Variants in RPSA observed in about 807,000 individuals in gnomAD.
RPSA encodes ribosomal protein SA.
For synonymous variants in RPSA, 103 were observed against 126.7 expected (o/e 0.81, Z 1.25); for missense variants, 140 against 372.8 (o/e 0.38, Z 5.14).
At position 39,410,095 on chromosome 3, in the gene RPSA, C is replaced by A. The variant is rs529263059; in HGVS notation, c.253-659C>A. Among the ~76,000 whole-genome samples, 10 of 152,146 alleles carry A rather than the reference C, an allele frequency of 6.6e-5. No individual in the cohort carries two copies. The South Asian group carries it at 1.9e-3, about 28-fold the overall frequency. ...GCCAAGACTGTCCACTGCATCCCAG[C>A]CTGAGTGACAGAGTGAGGCCTTGTC... On this transcript the variant is annotated intron_variant, in intron 3 of 6. Coordinates refer to ENST00000301821, the MANE Select transcript of RPSA (RefSeq NM_002295.6).
At chr3:39,409,480 C>T (rs567939362) in intron 3 of RPSA, among the ~76,000 whole-genome samples, 1 of 152,200 alleles carries the variant, frequency 6.6e-6, no homozygotes, top group East Asian at 1.9e-4. Context: ...GGATTACAGG[C>T]GTAAGCCACT....
Position 39,412,265 on chromosome 3 carries a change from T to A in RPSA, c.794-9T>A. 1 of 1,607,434 alleles carries A rather than the reference T, an allele frequency of 6.2e-7. No homozygotes were observed. The highest frequency in any genetic ancestry group is 1.1e-5 in the South Asian group (1 of 90,880). ...GAGCTGATGGCTTTTTTTGGTATTC[T>A]CTTAACAGAAGACTGGAGCGCTCAG... On this transcript the variant is annotated splice_polypyrimidine_tract_variant and intron_variant, in intron 6 of 6. Coordinates refer to ENST00000301821, the MANE Select transcript of RPSA (RefSeq NM_002295.6).
At chr3:39,408,486 A>T (rs200885445) in intron 2 of RPSA, 120 bp from the exon 3 acceptor site, 3 of 786,420 alleles carry the variant, frequency 3.8e-6, no homozygotes, top group Non-Finnish European at 7.1e-6. Context: ...TTTCGCTAAC[A>T]CCAGTAGAGC....
At chr3:39,410,348 T>C (rs926870021) in intron 3 of RPSA, 5 of 221,682 alleles carry the variant, frequency 2.3e-5, no homozygotes, top group African/African-American at 1.1e-4. Context: ...ATTTCAATGT[T>C]GACAGGACGG....
intron 4 of RPSA, 50 bp from the exon 5 acceptor site, chr3:39,411,599 G>A (rs760390598): frequency 1.9e-6 from 3 of 1,605,134 alleles, no homozygotes; most frequent in Admixed American, 1.7e-5. Flanking sequence ...GGTGCTTGCT[G>A]TTTGGGTTTG....
chr3:39,407,536 G>A (rs1479571593), intron 1 of RPSA, 85 bp from the exon 2 acceptor site: 11 of 934,096 alleles, frequency 1.2e-5, no homozygotes, highest in Admixed American at 1.7e-5. Context: ...TGACACTATA[G>A]CAGATGGAGT....
chr3:39,410,181 A>T (rs2125594580), intron 3 of RPSA: 1 of 161,352 alleles, frequency 6.2e-6, no homozygotes. Context: ...TTAAGAAATG[A>T]CTAGTTAGTA....
Position 39,406,720 on chromosome 3 carries a change from C to G in RPSA, c.-78C>G, listed in dbSNP as rs1186330235. The G allele has an allele frequency of 2.9e-6, 1 of 349,246 alleles. No homozygotes were observed. Among genetic ancestry groups the G allele is most frequent in the African/African-American group, 2.3e-5 (1 of 44,100 alleles). 21.6% of individuals were successfully genotyped at this position (349,246 alleles called of 1,614,324 possible). On this transcript the variant is annotated 5_prime_UTR_variant, in exon 1 of 7. Coordinates refer to ENST00000301821, the MANE Select transcript of RPSA (RefSeq NM_002295.6). ...AAGGACGTCATTTCCTGCCGCCTGT[C>G]TTTTCCGTGCTACCTGCAGAGGGGT...
At chr3:39,411,602 T>C in intron 4 of RPSA, 47 bp from the exon 5 acceptor site, 1 of 1,606,054 alleles carries the variant, frequency 6.2e-7, no homozygotes, top group Non-Finnish European at 8.5e-7. Context: ...GCTTGCTGTT[T>C]GGGTTTGACC....
intron 3 of RPSA, 156 bp downstream of exon 3, chr3:39,408,880 CGAGG>C: frequency 1.7e-6 from 1 of 590,474 alleles, no homozygotes; most frequent in Non-Finnish European, 3.1e-6. Context: ...CGGCGTATTA[CGAGG>C]TCAGGAGATC....
rs898373879 is a variant in RPSA at position 39,406,741 on chromosome 3, G to A, written c.-57G>A. On this transcript the variant is annotated 5_prime_UTR_variant, in exon 1 of 7. Transcript: ENST00000301821. ...CTGTCTTTTCCGTGCTACCTGCAGA[G>A]GGGTCCATACGGCGTTGTTCTGGGT... 1.5e-5 allele frequency: 6 copies of A among 394,710 alleles called. No homozygotes were observed. Among genetic ancestry groups the A allele is most frequent in the East Asian group, 8.1e-5 (1 of 12,372 alleles). 24.5% of individuals were successfully genotyped at this position (394,710 alleles called of 1,614,324 possible). A position where few individuals can be genotyped will look rare whatever the true frequency, so the allele number is the denominator to read the frequency against.
chr3:39,408,408 C>T, intron 2 of RPSA, 198 bp from the exon 3 acceptor site: 1 of 759,014 alleles, frequency 1.3e-6, no homozygotes, highest in Non-Finnish European at 2.4e-6. Flanking sequence ...TATTAAAGCT[C>T]AGGGTGGAGG....
chr3:39,406,982 G>T, intron 1 of RPSA: 1 of 451,648 alleles, frequency 2.2e-6, no homozygotes, highest in South Asian at 1.6e-5. Context: ...GCCCTCCAGC[G>T]GAGGCTCCGA....
Position 39,410,846 on chromosome 3 carries a change from C to G in RPSA, c.345C>G (p.Ala115=). The change falls in exon 4 of 7, where the codon GCC becomes GCG. Residue 115 remains alanine, a synonymous_variant. Transcript: ENST00000301821. Reference sequence around the variant, plus strand: ...CCTTCACTAACCAGATCCAGGCAGCCTTCCGGGAGCCACGGCTTCTTGTGG... The same window carrying G: ...CCTTCACTAACCAGATCCAGGCAGCGTTCCGGGAGCCACGGCTTCTTGTGG... ...PGTFTNQIQA[A]FREPRLLVVT... is the part of the protein sequence containing the mutation. The G allele has an allele frequency of 6.2e-7, 1 of 1,603,636 alleles. No homozygotes were observed. The highest frequency in any genetic ancestry group is 8.5e-7 in the Non-Finnish European group (1 of 1,178,600).
chr3:39,408,505 A>C (rs777216757), intron 2 of RPSA, 101 bp from the exon 3 acceptor site: 15 of 802,706 alleles, frequency 1.9e-5, no homozygotes, highest in African/African-American at 3.4e-5. Flanking sequence ...GCTTGCCTCT[A>C]TGACTGGAGT....
At position 39,408,558 on chromosome 3, in the gene RPSA, GT is replaced by G. The variant is rs373123514; in HGVS notation, c.134-45del. 3.8e-6 allele frequency: 4 copies of G among 1,054,532 alleles called. No individual in the cohort carries two copies. The African/African-American group carries it at 4.7e-5, about 12-fold the overall frequency. 65.3% of individuals were successfully genotyped at this position (1,054,532 alleles called of 1,614,324 possible). On this transcript the variant is annotated intron_variant, in intron 2 of 6. Coordinates refer to ENST00000301821, the MANE Select transcript of RPSA (RefSeq NM_002295.6). ...CACATAGAGTAAACTTGAGAAGAAT[GT>G]TTGCACAGCCAGGTCAAGTGTTACA...
chr3:39,407,908 G>C, intron 2 of RPSA, 122 bp downstream of exon 2: 1 of 689,796 alleles, frequency 1.4e-6, no homozygotes, highest in Admixed American at 2.8e-5. Context: ...AGACCCCTAC[G>C]TTGAAAACAT....
chr3:39,412,100 G>A, intron 6 of RPSA, 39 bp downstream of exon 6: 1 of 1,588,410 alleles, frequency 6.3e-7, no homozygotes, highest in Non-Finnish European at 8.6e-7. Context: ...CTGATATTTT[G>A]CAACTTCTCA....
intron 4 of RPSA, chr3:39,411,224 C>T (rs1414917695): frequency 4.0e-6 from 3 of 741,408 alleles, no homozygotes; most frequent in Non-Finnish European, 2.5e-6. Context: ...TACTGCATGA[C>T]AGCTTTGTGG....
Sources: gnomAD v4.1 joint callset for allele counts (sites outside exome capture counted in the v4.1 genomes callset) on GRCh38, gnomAD v4.1.1 for gene constraint, MANE v1.5 for transcripts, NCBI Gene and HGNC (gene_info 2026-07-23, HGNC 2026-07-21) for gene names.